ZNF362: variants seen among roughly 807,000 people sequenced by gnomAD.
The protein encoded by ZNF362 is zinc finger protein 362.
A neutral mutation model predicts 42.9 loss-of-function variants in ZNF362; 11 were observed. That is an observed-to-expected ratio of 0.26 (90% CI 0.16 to 0.42). The LOEUF (loss-of-function observed/expected upper bound fraction) is 0.42. Among genes scored for constraint, ZNF362 ranks in the 20% least tolerant of loss-of-function variants. The probability of loss-of-function intolerance (pLI) is 1.00; values close to 1 mark genes in which losing one functional copy is unlikely to be tolerated. For missense variants in ZNF362, 362 were observed against 576.2 expected, an observed-to-expected ratio of 0.63 and a Z score of 3.81; for synonymous variants, 255 against 257.3, an observed-to-expected ratio of 0.99 and a Z score of 0.09.
At chr1:33,181,362 A>G in the ZNF362 span, 1 of 1,596,826 alleles carries the variant, frequency 6.3e-7, no homozygotes, top group Non-Finnish European at 8.5e-7. The surrounding 1 kb of genome is among the most constrained non-coding windows in gnomAD (Gnocchi z 6.5). Context: ...CTCGCAGCCC[A>G]GGCTCACCGG....
the ZNF362 span, among the ~76,000 whole-genome samples, chr1:33,239,091 A>G: frequency 6.6e-6 from 1 of 152,216 alleles, no homozygotes; most frequent in African/African-American, 2.4e-5. Context: ...GAGCCAGATA[A>G]CACCTACTCC....
chr1:33,241,460 A>C, the ZNF362 span, among the ~76,000 whole-genome samples: 1 of 151,578 alleles, frequency 6.6e-6, no homozygotes, highest in Non-Finnish European at 1.5e-5. Context: ...CATGCCATTT[A>C]ACTCCAGCCT....
At position 33,276,570 on chromosome 1, in the gene ZNF362, C is replaced by CGGCCGGCCACCAGCA. The variant is rs1159127881; in HGVS notation, c.326_340dup (p.Arg109_Ser113dup). 11 of 1,382,656 alleles carry CGGCCGGCCACCAGCA rather than the reference C, an allele frequency of 8.0e-6. No individual in the cohort carries two copies. In the East Asian group the frequency reaches 2.4e-4, roughly 30 times the overall value. The allele number at this position is 1,382,656 out of a possible 1,614,324, so 85.6% of individuals were successfully genotyped here. A position where few individuals can be genotyped will look rare whatever the true frequency, so the allele number is the denominator to read the frequency against. On this transcript the variant is annotated inframe_insertion, in exon 4 of 9. Coordinates refer to ENST00000539719, the MANE Select transcript of ZNF362 (RefSeq NM_152493.3). The stretch of plus-strand genomic sequence containing the variant: ...GCAGCCCGACGTGGCGCTGCACGCA[C>CGGCCGGCCACCAGCA]GGCCGGCCACCAGCACCGTCACAGG...
chr1:33,233,717 T>C, the ZNF362 span, among the ~76,000 whole-genome samples: 2 of 152,156 alleles, frequency 1.3e-5, no homozygotes, highest in African/African-American at 4.8e-5. Flanking sequence ...TTTTACACTT[T>C]CTTATAGTTA....
chr1:33,200,076 C>A, the ZNF362 span: 502 of 152,640 alleles, frequency 3.3e-3, 3 homozygotes, highest in Middle Eastern at 0.021. Flanking sequence ...AAATATCTGA[C>A]AACAATAGCA....
chr1:33,185,477 C>T, the ZNF362 span, among the ~76,000 whole-genome samples: 1 of 152,202 alleles, frequency 6.6e-6, no homozygotes, highest in Non-Finnish European at 1.5e-5. Context: ...CTGCCTTGGC[C>T]TCCCAGAGTG....
the ZNF362 span, among the ~76,000 whole-genome samples, chr1:33,179,916 T>G: frequency 1.4e-3 from 140 of 99,722 alleles, 1 homozygote; most frequent in South Asian, 0.016. Flanking sequence ...TCCAAGGGGG[T>G]GGGTATAAAA....
chr1:33,297,667 A>G lies in ZNF362; in HGVS notation c.1147-1263A>G, dbSNP rs555495794. On this transcript the variant is annotated intron_variant, in intron 8 of 8. Transcript: ENST00000539719. ...GCTGGGAATACAGGCATGTGCCACT[A>G]TGGCCACCTAATGTTTTTGTATCTT... Among the ~76,000 whole-genome samples the G allele has an allele frequency of 2.0e-5, 3 of 152,162 alleles. No individual in the cohort carries two copies. In the East Asian group the frequency reaches 5.8e-4, roughly 29 times the overall value.
the ZNF362 span, among the ~76,000 whole-genome samples, chr1:33,238,972 C>T: frequency 2.6e-5 from 4 of 152,158 alleles, no homozygotes; most frequent in Non-Finnish European, 4.4e-5. Flanking sequence ...ATCCATCCAG[C>T]TTACGGCATT....
At chr1:33,252,064 C>T (rs916674519), upstream of ZNF362, among the ~76,000 whole-genome samples, 1 of 152,160 alleles carries the variant, frequency 6.6e-6, no homozygotes, top group East Asian at 1.9e-4. Flanking sequence ...AAAAATCATC[C>T]ATTCTCGGCT....
At chr1:33,147,337 T>A in the ZNF362 span, 4 of 1,614,052 alleles carry the variant, frequency 2.5e-6, no homozygotes, top group Non-Finnish European at 3.4e-6. The surrounding 1 kb of genome is among the most constrained non-coding windows in gnomAD (Gnocchi z 8.1). Flanking sequence ...CAAGCCTTGG[T>A]CATAGTCCAG....
At chr1:33,180,159 G>A in the ZNF362 span, among the ~76,000 whole-genome samples, 1 of 152,136 alleles carries the variant, frequency 6.6e-6, no homozygotes, top group Non-Finnish European at 1.5e-5. Flanking sequence ...CACTCTGCAT[G>A]TACCGTTTCA....
At chr1:33,190,132 G>C in the ZNF362 span, among the ~76,000 whole-genome samples, 1 of 152,048 alleles carries the variant, frequency 6.6e-6, no homozygotes, top group Non-Finnish European at 1.5e-5. Context: ...AATGGGTGAG[G>C]GATAGTGATT....
chr1:33,230,339 TC>T, the ZNF362 span, among the ~76,000 whole-genome samples: 1 of 152,238 alleles, frequency 6.6e-6, no homozygotes, highest in South Asian at 2.1e-4. Flanking sequence ...TCCAAATACA[TC>T]CGCGCACCAA....
At chr1:33,206,459 C>G in the ZNF362 span, among the ~76,000 whole-genome samples, 1 of 151,980 alleles carries the variant, frequency 6.6e-6, no homozygotes, top group South Asian at 2.1e-4. Context: ...TATAGCTAAG[C>G]ATGGTGATAT....
chr1:33,268,793 T>G (rs1024915341), intron 1 of ZNF362, among the ~76,000 whole-genome samples: 5 of 152,104 alleles, frequency 3.3e-5, no homozygotes, highest in Non-Finnish European at 1.5e-5. Context: ...GGGCCGCACA[T>G]GTAAGGCTTA....
chr1:33,286,775 A>G, intron 6 of ZNF362, among the ~76,000 whole-genome samples: 1 of 152,200 alleles, frequency 6.6e-6, no homozygotes, highest in East Asian at 1.9e-4. Context: ...TATTTGACGG[A>G]GGCCCTTTCC....
chr1:33,276,065 C>T (rs768089420), intron 2 of ZNF362, 35 bp from the exon 3 acceptor site: 27 of 1,612,658 alleles, frequency 1.7e-5, no homozygotes, highest in Non-Finnish European at 6.8e-6. Flanking sequence ...TTGGGGAGGG[C>T]TCTCTTCCCG....
the ZNF362 span, among the ~76,000 whole-genome samples, chr1:33,241,918 C>A: frequency 6.6e-6 from 1 of 152,158 alleles, no homozygotes; most frequent in African/African-American, 2.4e-5. Flanking sequence ...CCCCAACCCC[C>A]AACCCCAAAA....
Sources: gnomAD v4.1 joint callset for allele counts (sites outside exome capture counted in the v4.1 genomes callset) on GRCh38, gnomAD v4.1.1 for gene constraint, Gnocchi (gnomAD v3.1) non-coding constraint, MANE v1.5 for transcripts, NCBI Gene and HGNC (gene_info 2026-07-23, HGNC 2026-07-21) for gene names.